The following SH3PXD2A variants were observed in gnomAD, a reference collection of about 807,000 sequenced individuals.
The protein encoded by SH3PXD2A is SH3 and PX domains 2A.
A neutral mutation model predicts 115.2 loss-of-function variants in SH3PXD2A; 32 were observed. The observed-to-expected ratio is 0.28, with a 90% confidence interval of 0.21 to 0.37. The LOEUF (loss-of-function observed/expected upper bound fraction) is 0.37, where lower values mean the gene tolerates loss of function less well. Ranked by LOEUF, SH3PXD2A falls within the 10% of genes least tolerant of loss-of-function variation. The pLI, the probability that SH3PXD2A is intolerant of heterozygous loss-of-function variation, is 1.00. For missense variants in SH3PXD2A, 1,328 were observed against 1,498.7 expected (o/e 0.89, Z 1.88); for synonymous variants, 610 against 629.1 (o/e 0.97, Z 0.45).
chr10:103,659,208 A>G (rs1432424641), intron 8 of SH3PXD2A, among the ~76,000 whole-genome samples: 1 of 152,176 alleles, frequency 6.6e-6, no homozygotes, highest in Non-Finnish European at 1.5e-5. Context: ...CAGCAGGATG[A>G]CTTCCTCTTG....
intron 6 of SH3PXD2A, among the ~76,000 whole-genome samples, chr10:103,680,768 T>C (rs2037598022): frequency 6.6e-6 from 1 of 152,232 alleles, no homozygotes; most frequent in South Asian, 2.1e-4. Flanking sequence ...GATTTTCCTG[T>C]AAACTTCTAA....
chr10:103,643,077 G>A (rs916861339), intron 8 of SH3PXD2A, among the ~76,000 whole-genome samples: 1 of 152,172 alleles, frequency 6.6e-6, no homozygotes, highest in Non-Finnish European at 1.5e-5. Context: ...AATTTCTGGG[G>A]AATTTTAAAT....
chr10:103,617,451 C>T (rs1287491737), intron 10 of SH3PXD2A, 137 bp from the exon 11 acceptor site: 1 of 649,878 alleles, frequency 1.5e-6, no homozygotes, highest in African/African-American at 1.8e-5. Flanking sequence ...CTGGCTTCTC[C>T]AGGGGAGGGA....
intron 6 of SH3PXD2A, among the ~76,000 whole-genome samples, chr10:103,677,270 T>G (rs568929375): frequency 1.9e-4 from 29 of 152,314 alleles, no homozygotes; most frequent in African/African-American, 6.5e-4. Context: ...ACCCTCTGTC[T>G]CAAAGCATCA....
intron 1 of SH3PXD2A, among the ~76,000 whole-genome samples, chr10:103,801,931 T>C (rs1330501008): frequency 6.6e-6 from 1 of 152,200 alleles, no homozygotes; most frequent in Non-Finnish European, 1.5e-5. Context: ...CTCGAACTCC[T>C]GACCTCAGAT....
At chr10:103,800,323 C>G (rs761608970) in intron 2 of SH3PXD2A, among the ~76,000 whole-genome samples, 1 of 152,170 alleles carries the variant, frequency 6.6e-6, no homozygotes, top group Non-Finnish European at 1.5e-5. Flanking sequence ...GGCATCTGAC[C>G]CAAGCCAGAC....
chr10:103,606,222 T>TCATCATC (rs759592763), intron 13 of SH3PXD2A, among the ~76,000 whole-genome samples: 2 of 142,148 alleles, frequency 1.4e-5, no homozygotes, highest in African/African-American at 2.7e-5. Flanking sequence ...TCATCATCAT[T>TCATCATC]ACTCTGAGAT....
chr10:103,854,942 G>T (rs1296349517), intron 1 of SH3PXD2A, among the ~76,000 whole-genome samples: 1 of 152,174 alleles, frequency 6.6e-6, no homozygotes, highest in African/African-American at 2.4e-5. Context: ...TGACTTCACC[G>T]TTGTAACAGA....
intron 2 of SH3PXD2A, among the ~76,000 whole-genome samples, chr10:103,773,289 G>A (rs2038847668): frequency 6.6e-6 from 1 of 151,228 alleles, no homozygotes; most frequent in African/African-American, 2.4e-5. Context: ...GACCATGCAA[G>A]ATTGCGGGAA....
chr10:103,678,471 G>A (rs867095442), intron 6 of SH3PXD2A, among the ~76,000 whole-genome samples: 17 of 152,236 alleles, frequency 1.1e-4, no homozygotes, highest in African/African-American at 4.1e-4. Context: ...CAGCACCACA[G>A]CTCGGCGGCT....
In SH3PXD2A at chr10:103,756,137, G is replaced by A. The variant is rs1241019454; in HGVS notation, c.229+10957C>T. 6.6e-6 allele frequency among the ~76,000 whole-genome samples: 1 copy of A among 152,222 alleles called. No individual in the cohort carries two copies. Among genetic ancestry groups the A allele is most frequent in the Non-Finnish European group, 1.5e-5 (1 of 68,032 alleles). On this transcript the variant is annotated intron_variant, in intron 3 of 14. Coordinates refer to ENST00000369774, the MANE Select transcript of SH3PXD2A (RefSeq NM_001394015.1). The surrounding 1 kb of genome is among the most constrained non-coding windows in gnomAD (Gnocchi z 4.4). ...TCAGTGGACATCAGTCCTGGGAACT[G>A]TGGAGGTGAAGGGGGAGGAGGTATT...
chr10:103,607,543 CT>C (rs1285129767), intron 13 of SH3PXD2A, among the ~76,000 whole-genome samples: 1 of 150,336 alleles, frequency 6.7e-6, no homozygotes, highest in Admixed American at 6.6e-5. Context: ...GGTCAGCCCC[CT>C]GCCCGGCCAG....
intron 1 of SH3PXD2A, among the ~76,000 whole-genome samples, chr10:103,821,862 T>G (rs760138176): frequency 6.6e-6 from 1 of 151,874 alleles, no homozygotes; most frequent in Non-Finnish European, 1.5e-5. Context: ...CCACTCCACC[T>G]GGCCCTGTTG....
chr10:103,694,580 C>A (rs1415638493), intron 5 of SH3PXD2A, among the ~76,000 whole-genome samples: 2 of 152,180 alleles, frequency 1.3e-5, no homozygotes, highest in African/African-American at 4.8e-5. Flanking sequence ...CCCTTCCTTC[C>A]CCATCTTGTT....
intron 11 of SH3PXD2A, among the ~76,000 whole-genome samples, chr10:103,615,489 T>TGTGTGC (rs2036500799): frequency 1.8e-5 from 1 of 56,934 alleles, no homozygotes; most frequent in Non-Finnish European, 3.7e-5. Flanking sequence ...CGAGGGTGTG[T>TGTGTGC]GTGTGTGTGT....
chr10:103,835,375 C>T (rs1361016342), intron 1 of SH3PXD2A, among the ~76,000 whole-genome samples: 10 of 152,342 alleles, frequency 6.6e-5, no homozygotes, highest in East Asian at 1.9e-4. Context: ...AATGTCCACC[C>T]GCGATCCCTT....
chr10:103,706,449 A>AC (rs1011915963), intron 5 of SH3PXD2A, among the ~76,000 whole-genome samples: 3 of 151,550 alleles, frequency 2.0e-5, no homozygotes, highest in Non-Finnish European at 2.9e-5. Flanking sequence ...ACTTTCTGGC[A>AC]CCCCCCCAAA....
chr10:103,783,575 G>A (rs2038953177), intron 2 of SH3PXD2A, among the ~76,000 whole-genome samples: 1 of 152,242 alleles, frequency 6.6e-6, no homozygotes, highest in African/African-American at 2.4e-5. Flanking sequence ...CATCTTAGAT[G>A]CACATAGCAG....
chr10:103,737,976 C>T (rs941864838), intron 3 of SH3PXD2A, among the ~76,000 whole-genome samples: 5 of 152,222 alleles, frequency 3.3e-5, no homozygotes, highest in Admixed American at 1.3e-4. Context: ...TGCAGCTCAC[C>T]CCTCCTGTCT....
Sources: allele counts gnomAD v4.1 joint callset (sites outside exome capture counted in the v4.1 genomes callset), GRCh38; gene constraint gnomAD v4.1.1; non-coding constraint Gnocchi (gnomAD v3.1); transcripts MANE v1.5; gene names NCBI Gene and HGNC (gene_info 2026-07-23, HGNC 2026-07-21).